The following ARID1B variants were observed in gnomAD, a reference collection of about 807,000 sequenced individuals.
ARID1B encodes the protein AT-rich interaction domain 1B, also known as AT-rich interactive domain-containing protein 1B.
A neutral mutation model predicts 212.3 loss-of-function variants in ARID1B; 30 were observed. That is an observed-to-expected ratio of 0.14 (90% CI 0.11 to 0.19). The LOEUF (loss-of-function observed/expected upper bound fraction) is 0.19, where lower values mean the gene tolerates loss of function less well. ARID1B is among the 10% of genes least tolerant of loss of function. The probability of loss-of-function intolerance (pLI) is 1.00; values close to 1 mark genes in which losing one functional copy is unlikely to be tolerated. For missense variants in ARID1B, 2,891 were observed against 3,204.0 expected (o/e 0.90, Z 2.36); for synonymous variants, 1,402 against 1,301.7 (o/e 1.08, Z -1.66).
intron 4 of ARID1B, among the ~76,000 whole-genome samples, chr6:157,038,909 CT>C (rs981799342): frequency 0.023 from 3,395 of 146,706 alleles, 134 homozygotes; most frequent in African/African-American, 0.079. Context: ...GTAGCCTTAA[CT>C]TTTTTTTTTT....
At chr6:156,784,678 C>T (rs1213184132) in intron 1 of ARID1B, among the ~76,000 whole-genome samples, 2 of 152,178 alleles carry the variant, frequency 1.3e-5, no homozygotes, top group African/African-American at 2.4e-5. Context: ...TGTGTTTCCA[C>T]TGTAAGTTTT....
chr6:156,870,873 A>G (rs1786073847), intron 2 of ARID1B, among the ~76,000 whole-genome samples: 1 of 152,214 alleles, frequency 6.6e-6, no homozygotes, highest in Non-Finnish European at 1.5e-5. Flanking sequence ...CCTCTTTGTT[A>G]TTTTGCAGTA....
rs2128374721 is a variant in ARID1B at position 157,201,124 on chromosome 6, C to T, written c.4899C>T (p.Ser1633=). Residue 1633 remains serine, a synonymous_variant, in exon 18 of 20, where the codon AGC becomes AGT. Coordinates refer to ENST00000636930, the MANE Select transcript of ARID1B (RefSeq NM_001374828.1). The surrounding 1 kb of genome is among the most constrained non-coding windows in gnomAD (Gnocchi z 5.2). ...CCGATCAGAGGATAAATCATGAGAG[C>T]CAGTGGCCTTCTCACGTCAGCCAGC... ...MVPDQRINHE[S]QWPSHVSQRQ... is the part of the protein sequence containing the mutation. 6.2e-7 allele frequency: 1 copy of T among 1,614,170 alleles called. No individual in the cohort carries two copies.
chr6:156,877,189 A>G (rs1786631720), intron 2 of ARID1B, among the ~76,000 whole-genome samples: 1 of 152,198 alleles, frequency 6.6e-6, no homozygotes, highest in Non-Finnish European at 1.5e-5. Flanking sequence ...CTGATATGTT[A>G]TTCTCCTGCT....
intron 5 of ARID1B, among the ~76,000 whole-genome samples, chr6:157,090,207 A>C (rs1238046694): frequency 1.3e-5 from 2 of 152,216 alleles, no homozygotes; most frequent in African/African-American, 4.8e-5. Context: ...CATGTGCTGT[A>C]AGCAGCGGCA....
At chr6:157,135,726 A>G (rs899754740) in intron 7 of ARID1B, among the ~76,000 whole-genome samples, 6 of 152,194 alleles carry the variant, frequency 3.9e-5, no homozygotes, top group Admixed American at 3.9e-4. Context: ...TGAGTTCAAT[A>G]AATACTCTTC....
intron 4 of ARID1B, among the ~76,000 whole-genome samples, chr6:156,986,327 A>G (rs1339188648): frequency 6.6e-6 from 1 of 152,230 alleles, no homozygotes; most frequent in East Asian, 1.9e-4. Flanking sequence ...GCTTGTAGCT[A>G]ATTGTTATTA....
chr6:157,093,673 C>T (rs1039572792), intron 5 of ARID1B, among the ~76,000 whole-genome samples: 9 of 152,236 alleles, frequency 5.9e-5, no homozygotes, highest in Non-Finnish European at 8.8e-5. Flanking sequence ...TACTTGCAAA[C>T]TGCATTAAAT....
intron 12 of ARID1B, 115 bp from the exon 13 acceptor site, chr6:157,184,113 TTAG>T: frequency 2.3e-6 from 2 of 862,112 alleles, no homozygotes; most frequent in Non-Finnish European, 3.6e-6. Context: ...GTAATGAGCA[TTAG>T]TTAAAAGAGG....
At chr6:157,021,498 G>A (rs1406886775) in intron 4 of ARID1B, among the ~76,000 whole-genome samples, 2 of 152,292 alleles carry the variant, frequency 1.3e-5, no homozygotes, top group East Asian at 3.9e-4. Context: ...GCCCGACCCG[G>A]GCGGGGGTTC....
intron 3 of ARID1B, among the ~76,000 whole-genome samples, chr6:156,905,296 G>T (rs1217734028): frequency 3.5e-5 from 4 of 115,036 alleles, no homozygotes; most frequent in Non-Finnish European, 7.4e-5. Flanking sequence ...TTATTATAAG[G>T]AATTGGCTCA....
chr6:156,994,776 G>A (rs1344222039), intron 4 of ARID1B, among the ~76,000 whole-genome samples: 1 of 152,120 alleles, frequency 6.6e-6, no homozygotes, highest in Non-Finnish European at 1.5e-5. Flanking sequence ...GCCTAGGATT[G>A]TCCTCCACCA....
intron 1 of ARID1B, among the ~76,000 whole-genome samples, chr6:156,780,021 T>A (rs1317408369): frequency 2.6e-5 from 4 of 152,058 alleles, no homozygotes; most frequent in Admixed American, 2.6e-4. Context: ...AGCGAGTGGG[T>A]TTTTCCTACT....
chr6:157,116,773 C>T (rs192479325), intron 6 of ARID1B, among the ~76,000 whole-genome samples: 1 of 152,088 alleles, frequency 6.6e-6, no homozygotes, highest in Admixed American at 6.5e-5. Context: ...TCCCCCCAAC[C>T]TTCATTTCTG....
chr6:157,186,336 T>C (rs1411059482), intron 13 of ARID1B: 1 of 413,112 alleles, frequency 2.4e-6, no homozygotes, highest in African/African-American at 2.1e-5. Context: ...AATGGACTCC[T>C]GGTATACATT....
chr6:156,977,220 G>T, intron 4 of ARID1B: 6 of 168,002 alleles, frequency 3.6e-5, no homozygotes, highest in East Asian at 1.8e-4. Flanking sequence ...TAGATTTACA[G>T]TTTTTATCAA....
At chr6:156,921,478 C>T (rs1341265781) in intron 3 of ARID1B, among the ~76,000 whole-genome samples, 2 of 145,968 alleles carry the variant, frequency 1.4e-5, no homozygotes, top group South Asian at 2.1e-4. Context: ...CACACACACA[C>T]ACACACACAC....
intron 7 of ARID1B, chr6:157,141,423 A>G (rs1043071103): frequency 1.3e-5 from 2 of 152,216 alleles, no homozygotes; most frequent in African/African-American, 4.8e-5. Context: ...TAAGAGAAAT[A>G]TGGTACCTTA....
intron 7 of ARID1B, among the ~76,000 whole-genome samples, chr6:157,142,452 CCTGTGT>C (rs1789428723): frequency 6.6e-6 from 1 of 152,034 alleles, no homozygotes. Flanking sequence ...ATGACAAAAC[CCTGTGT>C]CTACTAAAAA....
Sources: gnomAD v4.1 joint callset for allele counts (sites outside exome capture counted in the v4.1 genomes callset) on GRCh38, gnomAD v4.1.1 for gene constraint, Gnocchi (gnomAD v3.1) non-coding constraint, MANE v1.5 for transcripts, NCBI Gene and HGNC (gene_info 2026-07-23, HGNC 2026-07-21) for gene names.